STYK1: variants seen among roughly 807,000 people sequenced by gnomAD.
The protein encoded by STYK1 is tyrosine-protein kinase STYK1.
Under a neutral mutation model 48.1 loss-of-function variants are expected in STYK1, and 46 were observed. The ratio of observed to expected loss-of-function variants is 0.96; its 90% CI spans 0.75 to 1.22. The LOEUF (loss-of-function observed/expected upper bound fraction) is 1.22, where lower values mean the gene tolerates loss of function less well. STYK1 is among the 50% of genes most tolerant of loss of function. The probability of loss-of-function intolerance (pLI) is 0.00; values close to 1 mark genes in which losing one functional copy is unlikely to be tolerated. For synonymous variants in STYK1, 188 were observed against 189.0 expected (o/e 0.99, Z 0.04); for missense variants, 527 against 521.1 (o/e 1.01, Z -0.11).
intron 1 of STYK1, among the ~76,000 whole-genome samples, chr12:10,640,994 G>A (rs917965520): frequency 1.3e-5 from 2 of 152,074 alleles, no homozygotes; most frequent in African/African-American, 2.4e-5. Context: ...TTGCTATTTT[G>A]TATGTACCCA....
chr12:10,658,197 T>C (rs1174433568), intron 1 of STYK1, among the ~76,000 whole-genome samples: 2 of 152,324 alleles, frequency 1.3e-5, no homozygotes, highest in East Asian at 3.9e-4. Context: ...AACAAAAATT[T>C]GTAAAGAGTT....
chr12:10,641,561 C>T (rs771108171), intron 1 of STYK1, among the ~76,000 whole-genome samples: 2 of 152,206 alleles, frequency 1.3e-5, no homozygotes, highest in African/African-American at 4.8e-5. Context: ...CACATATATA[C>T]ATACACACAC....
At chr12:10,628,360 C>T (rs1425663413) in intron 6 of STYK1, among the ~76,000 whole-genome samples, 2 of 151,870 alleles carry the variant, frequency 1.3e-5, no homozygotes, top group African/African-American at 4.8e-5. Context: ...TGGACATTAA[C>T]TATGAAAAGA....
chr12:10,624,434 A>G (rs534648769), intron 8 of STYK1, among the ~76,000 whole-genome samples: 6 of 152,184 alleles, frequency 3.9e-5, no homozygotes, highest in African/African-American at 1.4e-4. Flanking sequence ...AGAAAAGAAA[A>G]GAAGAAAAGA....
At chr12:10,673,556 C>G (rs1383132559) in intron 1 of STYK1, 2 of 152,204 alleles carry the variant, frequency 1.3e-5, no homozygotes, top group Admixed American at 1.3e-4. Context: ...AAGCTGAAAG[C>G]AACGATTCCA....
chr12:10,668,271 T>C (rs1947855356), intron 1 of STYK1, among the ~76,000 whole-genome samples: 1 of 152,134 alleles, frequency 6.6e-6, no homozygotes, highest in South Asian at 2.1e-4. Context: ...AACCAGAGCT[T>C]AAAACGGATT....
intron 1 of STYK1, among the ~76,000 whole-genome samples, chr12:10,654,685 G>A (rs1947699388): frequency 6.6e-6 from 1 of 152,196 alleles, no homozygotes; most frequent in African/African-American, 2.4e-5. Context: ...TGAAACTTGA[G>A]TTTGAGGCCC....
In STYK1 at chr12:10,631,131, C is replaced by G. The variant is rs1286685685; in HGVS notation, c.365G>C (p.Ser122Thr). 6.2e-7 allele frequency: 1 copy of G among 1,614,230 alleles called. No homozygotes were observed. The highest frequency in any genetic ancestry group is 1.1e-5 in the South Asian group (1 of 91,080). Residue 122 changes from serine to threonine, a missense_variant, in exon 5 of 11, where the codon AGT becomes ACT. Physicochemically the swap from Ser to Thr is moderately conservative, Grantham distance 58. Transcript: ENST00000075503. ...QLSEVLEQICSGSCGPIFRAN... is the reference protein window; with the variant it reads ...QLSEVLEQICTGSCGPIFRAN... ...TCGAAAGATGGGCCCACAGCTACCA[C>G]TGCAAATCTGCTCCAGAACTTCAGA... is the stretch of plus-strand genomic sequence containing the variant.
intron 1 of STYK1, among the ~76,000 whole-genome samples, chr12:10,659,434 C>A (rs1481048852): frequency 1.3e-5 from 2 of 152,160 alleles, no homozygotes; most frequent in African/African-American, 4.8e-5. Flanking sequence ...AAGTCTTTGA[C>A]TGAAATAGAG....
At chr12:10,667,132 C>A (rs1413451407) in intron 1 of STYK1, among the ~76,000 whole-genome samples, 2 of 151,998 alleles carry the variant, frequency 1.3e-5, no homozygotes, top group Non-Finnish European at 2.9e-5. Context: ...TTTAAAAATA[C>A]CCTTAAATGT....
intron 1 of STYK1, among the ~76,000 whole-genome samples, chr12:10,650,761 G>T (rs907433072): frequency 1.3e-5 from 2 of 152,166 alleles, no homozygotes; most frequent in African/African-American, 2.4e-5. Context: ...AGTACTTTGG[G>T]AGGCGGAGGC....
At chr12:10,633,907 G>C in intron 4 of STYK1, 83 bp downstream of exon 4, 1 of 1,520,330 alleles carries the variant, frequency 6.6e-7, no homozygotes, top group Non-Finnish European at 8.9e-7. Flanking sequence ...TTCTAGACAT[G>C]GGCTCATTGA....
chr12:10,652,313 T>C (rs6488316), intron 1 of STYK1, among the ~76,000 whole-genome samples: 83,776 of 151,934 alleles, frequency 0.55, 23,820 homozygotes, highest in East Asian at 0.79. Flanking sequence ...CCCTCATTTG[T>C]ATGTAATCTT....
chr12:10,665,324 G>C (rs1192219971), intron 1 of STYK1, among the ~76,000 whole-genome samples: 1 of 152,202 alleles, frequency 6.6e-6, no homozygotes, highest in East Asian at 1.9e-4. Flanking sequence ...ATGAAATGCA[G>C]AGCATGCTTC....
chr12:10,624,914 A>C (rs1947339402), intron 7 of STYK1, 55 bp from the exon 8 acceptor site: 2 of 1,498,102 alleles, frequency 1.3e-6, no homozygotes, highest in South Asian at 2.3e-5. Context: ...CTTGGGTCAC[A>C]GACAAGGAGA....
At chr12:10,640,790 C>G (rs1947535173) in intron 1 of STYK1, 1 of 152,134 alleles carries the variant, frequency 6.6e-6, no homozygotes, top group Non-Finnish European at 1.5e-5. Context: ...TATCCTGGTA[C>G]CTCACAAAAG....
Position 10,631,118 on chromosome 12 carries a change from C to G in STYK1, c.378G>C (p.Gly126=). 6.2e-7 allele frequency: 1 copy of G among 1,614,140 alleles called. No individual in the cohort carries two copies. The highest frequency in any genetic ancestry group is 8.5e-7 in the Non-Finnish European group (1 of 1,180,028). Residue 126 remains glycine (G), a synonymous_variant, in exon 5 of 11, where the codon GGG becomes GGC. Transcript: ENST00000075503. ...TGTTCATATTGGCTCGAAAGATGGG[C>G]CCACAGCTACCACTGCAAATCTGCT... ...VLEQICSGSC[G]PIFRANMNTG...
Position 10,619,638 on chromosome 12 carries a change from A to G in STYK1, c.*506T>C. 1 of 172,894 alleles carries G rather than the reference A, an allele frequency of 5.8e-6. No homozygotes were observed. The highest frequency in any genetic ancestry group is 1.2e-5 in the Non-Finnish European group (1 of 82,080). 10.7% of individuals were successfully genotyped at this position (172,894 alleles called of 1,614,324 possible). A position where few individuals can be genotyped will look rare whatever the true frequency, so the allele number is the denominator to read the frequency against. On this transcript the variant is annotated 3_prime_UTR_variant, in exon 11 of 11. Coordinates refer to ENST00000075503, the MANE Select transcript of STYK1 (RefSeq NM_018423.3). ...TCCTCCAACCCCACATGTAGGGCTC[A>G]GGACTGAAGAACTTTGTGTCCTACC...
chr12:10,633,953 T>C (rs746631846), intron 4 of STYK1, 37 bp downstream of exon 4: 30 of 1,607,074 alleles, frequency 1.9e-5, no homozygotes, highest in South Asian at 4.5e-5. Context: ...CTCCATCTTC[T>C]TTAAGCCCCT....
Sources: gnomAD v4.1 joint callset for allele counts (sites outside exome capture counted in the v4.1 genomes callset) on GRCh38, gnomAD v4.1.1 for gene constraint, MANE v1.5 for transcripts, NCBI Gene and HGNC (gene_info 2026-07-23, HGNC 2026-07-21) for gene names.